ELK4: variants seen among roughly 807,000 people sequenced by gnomAD.
ELK4 encodes ETS transcription factor ELK4, also known as ETS domain-containing protein Elk-4.
Under a neutral mutation model 29.6 loss-of-function variants are expected in ELK4, and 16 were observed. That is an observed-to-expected ratio of 0.54 (90% CI 0.37 to 0.82). The LOEUF is 0.82. Among genes scored for constraint, ELK4 ranks in the 40% least tolerant of loss-of-function variants. The probability of loss-of-function intolerance (pLI) is 0.00; values close to 1 mark genes in which losing one functional copy is unlikely to be tolerated. For missense variants in ELK4, 465 were observed against 507.1 expected, an observed-to-expected ratio of 0.92 and a Z score of 0.80; for synonymous variants, 213 against 191.1, an observed-to-expected ratio of 1.11 and a Z score of -0.95.
rs796931429 is a variant in ELK4 at position 205,619,482 on chromosome 1, TTAA to T, written c.1081-412_1081-410del. ...AAGACACCAGCATGTTTGTTTTTTT[TTAA>T]TAATGAGGTGTGTGAAAAATCTACT... On this transcript the variant is annotated intron_variant, in intron 3 of 4. Coordinates refer to ENST00000357992, the MANE Select transcript of ELK4 (RefSeq NM_001973.4). 3.5e-5 allele frequency: 37 copies of T among 1,072,350 alleles called. No individual in the cohort carries two copies. The African/African-American group carries it at 5.2e-4, about 15-fold the overall frequency. 66.4% of individuals were successfully genotyped at this position (1,072,350 alleles called of 1,614,324 possible).
chr1:205,623,938 CTATTTAACACTG>C (rs1670403105), intron 1 of ELK4, 47 bp from the exon 2 acceptor site: 1 of 1,519,822 alleles, frequency 6.6e-7, no homozygotes, highest in Non-Finnish European at 9.1e-7. Context: ...CAGCCAACAC[CTATTTAACACTG>C]TATGTCATGC....
At chr1:205,625,515 C>G in intron 1 of ELK4, 1 of 749,030 alleles carries the variant, frequency 1.3e-6, no homozygotes, top group Non-Finnish European at 2.5e-6. Flanking sequence ...AGCATCCGTT[C>G]AAGAAACGGG....
intron 1 of ELK4, among the ~76,000 whole-genome samples, chr1:205,628,992 T>C (rs914248365): frequency 4.0e-5 from 6 of 151,274 alleles, no homozygotes; most frequent in Non-Finnish European, 7.4e-5. Context: ...GCTAACAAGG[T>C]GAAACCCCCG....
rs953758205 is a variant in ELK4, at chr1:205,611,765, A to G, written c.*4781T>C. ...CCCAGATTTCTGCACAGAGACCTGC[A>G]TTGGTCTCCAAACTTGTTTTCATAC... On this transcript the variant is annotated 3_prime_UTR_variant, in exon 5 of 5. Coordinates refer to ENST00000357992, the MANE Select transcript of ELK4 (RefSeq NM_001973.4). The G allele has an allele frequency of 4.1e-5, 8 of 194,488 alleles. No individual in the cohort carries two copies. The highest frequency in any genetic ancestry group is 1.9e-4 in the African/African-American group (8 of 43,218). 12.0% of individuals were successfully genotyped at this position (194,488 alleles called of 1,614,324 possible).
At position 205,631,688 on chromosome 1, in the gene ELK4, C is replaced by T. The variant is rs776009836; in HGVS notation, c.-66G>A. 3.8e-5 allele frequency: 13 copies of T among 343,514 alleles called. No individual in the cohort carries two copies. Among genetic ancestry groups the T allele is most frequent in the Non-Finnish European group, 7.2e-5 (12 of 166,764 alleles). 21.3% of individuals were successfully genotyped at this position (343,514 alleles called of 1,614,324 possible). ...CCGCCTCGAACACGATGCGCCTCTC[C>T]GCCCTCAGCCTCCTCCTCACGCTGG... On this transcript the variant is annotated 5_prime_UTR_variant, in exon 1 of 5. Coordinates refer to ENST00000357992, the MANE Select transcript of ELK4 (RefSeq NM_001973.4).
intron 3 of ELK4, chr1:205,619,367 G>A (rs1670288122): frequency 1.9e-6 from 2 of 1,067,034 alleles, no homozygotes; most frequent in Non-Finnish European, 2.3e-6. Context: ...AGATTCTGGT[G>A]CTCAACCTCT....
At chr1:205,623,940 ATTTAAC>A in intron 1 of ELK4, 49 bp from the exon 2 acceptor site, 1 of 1,523,452 alleles carries the variant, frequency 6.6e-7, no homozygotes, top group Middle Eastern at 1.7e-4. Context: ...GCCAACACCT[ATTTAAC>A]ACTGTATGTC....
Position 205,619,088 on chromosome 1 carries a change from G to A in ELK4, c.1081-15C>T, listed in dbSNP as rs549762293. The A allele has an allele frequency of 2.0e-6, 3 of 1,505,364 alleles. No homozygotes were observed. The highest frequency in any genetic ancestry group is 1.7e-4 in the Middle Eastern group (1 of 5,778). 93.3% of individuals were successfully genotyped at this position (1,505,364 alleles called of 1,614,324 possible). The stretch of plus-strand genomic sequence containing the variant: ...ATGATGGGTGTCTGCAATACACAAA[G>A]CAAAAATATTCACTGACTGACTTAC... On this transcript the variant is annotated splice_polypyrimidine_tract_variant and intron_variant, in intron 3 of 4. Coordinates refer to ENST00000357992, the MANE Select transcript of ELK4 (RefSeq NM_001973.4).
rs1213648422 is a variant in ELK4, at chr1:205,612,520, TGTTCAA to T, written c.*4020_*4025del. ...GAATTTTTAATAGGGAAAGTTTTTA[TGTTCAA>T]TAACTCTTACTGATCAATTTGTGTG... On this transcript the variant is annotated 3_prime_UTR_variant, in exon 5 of 5. Coordinates refer to ENST00000357992, the MANE Select transcript of ELK4 (RefSeq NM_001973.4). 4.7e-6 allele frequency: 1 copy of T among 214,004 alleles called. No homozygotes were observed. Among genetic ancestry groups the T allele is most frequent in the African/African-American group, 2.3e-5 (1 of 44,234 alleles). The allele number at this position is 214,004 out of a possible 1,614,324, so 13.3% of individuals were successfully genotyped here.
In ELK4 at chr1:205,610,483, C is replaced by A; in HGVS notation, c.*6063G>T. 1 of 229,488 alleles carries A rather than the reference C, an allele frequency of 4.4e-6. No homozygotes were observed. Among genetic ancestry groups the A allele is most frequent in the Non-Finnish European group, 8.6e-6 (1 of 115,854 alleles). The allele number at this position is 229,488 out of a possible 1,614,324, so 14.2% of individuals were successfully genotyped here. On this transcript the variant is annotated 3_prime_UTR_variant, in exon 5 of 5. Transcript: ENST00000357992. ...AACTTACAAACTAATAAAGATTTTA[C>A]ACAAAAGCAAACATAAATGTAGAAA...
At chr1:205,623,631 T>C (rs1283017050) in intron 2 of ELK4, 45 bp downstream of exon 2, 3 of 1,602,722 alleles carry the variant, frequency 1.9e-6, no homozygotes, top group Middle Eastern at 2.0e-4. Flanking sequence ...GAATCGTTCT[T>C]GTCTGGAGGT....
In ELK4 at chr1:205,609,910, C is replaced by A; in HGVS notation, c.*6636G>T. On this transcript the variant is annotated 3_prime_UTR_variant, in exon 5 of 5. Coordinates refer to ENST00000357992, the MANE Select transcript of ELK4 (RefSeq NM_001973.4). Reference sequence around the variant, plus strand: ...GTAACCCATTTATCCCTTCTACAAACACCCTATAAATTCCAGAAAACATAA... The same window carrying A: ...GTAACCCATTTATCCCTTCTACAAAAACCCTATAAATTCCAGAAAACATAA... 4.4e-6 allele frequency: 1 copy of A among 228,632 alleles called. No homozygotes were observed. Among genetic ancestry groups the A allele is most frequent in the Non-Finnish European group, 8.7e-6 (1 of 115,184 alleles). The allele number at this position is 228,632 out of a possible 1,614,324, so 14.2% of individuals were successfully genotyped here.
rs71773934 is a variant in ELK4, at chr1:205,617,965, A to ATGTGTG, written c.1197+986_1197+991dup. Among the ~76,000 whole-genome samples the ATGTGTG allele has an allele frequency of 7.1e-3, 1,041 of 147,586 alleles. 20 individuals carry two copies. The highest frequency in any genetic ancestry group is 0.024 in the African/African-American group (979 of 40,004). ...ACCTATGTGCAGAGATCCCCCATAT[A>ATGTGTG]TGTGTGTGTGTGTGTGTGTGAGAGA... On this transcript the variant is annotated intron_variant, in intron 4 of 4. Coordinates refer to ENST00000357992, the MANE Select transcript of ELK4 (RefSeq NM_001973.4).
chr1:205,617,171 C>A (rs1670244329), intron 4 of ELK4, among the ~76,000 whole-genome samples: 1 of 152,114 alleles, frequency 6.6e-6, no homozygotes, highest in Non-Finnish European at 1.5e-5. Flanking sequence ...CTCTATAACT[C>A]AATTATCTGC....
At chr1:205,618,507 G>A (rs985221563) in intron 4 of ELK4, among the ~76,000 whole-genome samples, 1 of 152,116 alleles carries the variant, frequency 6.6e-6, no homozygotes, top group African/African-American at 2.4e-5. Context: ...ATTAATATTT[G>A]GAAATTCAAA....
rs868735504 is a variant in ELK4 at position 205,609,143 on chromosome 1, T to A, written c.*7403A>T. ...TCCCATTAATCAAACTCATCCCTAA[T>A]TGTCTCTTAGGAAGGTCTTCTTTAA... On this transcript the variant is annotated 3_prime_UTR_variant, in exon 5 of 5. Coordinates refer to ENST00000357992, the MANE Select transcript of ELK4 (RefSeq NM_001973.4). 50 of 189,232 alleles carry A rather than the reference T, an allele frequency of 2.6e-4. No homozygotes were observed. The highest frequency in any genetic ancestry group is 1.1e-3 in the African/African-American group (48 of 42,990). 11.7% of individuals were successfully genotyped at this position (189,232 alleles called of 1,614,324 possible).
rs539508719 is a variant in ELK4, at chr1:205,614,785, A to T, written c.*1761T>A. ...TGAGCCTTCAAGTTCTTACTTCTTC[A>T]TTTAGTTCATGTGATTCTACAGGAT... On this transcript the variant is annotated 3_prime_UTR_variant, in exon 5 of 5. Coordinates refer to ENST00000357992, the MANE Select transcript of ELK4 (RefSeq NM_001973.4). The T allele has an allele frequency of 4.4e-6, 1 of 227,196 alleles. No homozygotes were observed. The highest frequency in any genetic ancestry group is 1.8e-4 in the South Asian group (1 of 5,486). The allele number at this position is 227,196 out of a possible 1,614,324, so 14.1% of individuals were successfully genotyped here.
chr1:205,610,290 T>C lies in ELK4; in HGVS notation c.*6256A>G, dbSNP rs1670133053. On this transcript the variant is annotated 3_prime_UTR_variant, in exon 5 of 5. Coordinates refer to ENST00000357992, the MANE Select transcript of ELK4 (RefSeq NM_001973.4). ...AAACAAGGCAAAGTTGAGAAGATCA[T>C]TCAGCCCAAGACACTCCACTCTGAG... The C allele has an allele frequency of 4.3e-6, 1 of 231,314 alleles. No homozygotes were observed. Among genetic ancestry groups the C allele is most frequent in the African/African-American group, 2.2e-5 (1 of 45,234 alleles). 14.3% of individuals were successfully genotyped at this position (231,314 alleles called of 1,614,324 possible).
intron 2 of ELK4, among the ~76,000 whole-genome samples, chr1:205,621,764 C>A (rs1482575584): frequency 6.6e-6 from 1 of 152,034 alleles, no homozygotes; most frequent in Non-Finnish European, 1.5e-5. Context: ...ACTGATCCAC[C>A]CACCCCGGCC....
Sources: gnomAD v4.1 joint callset for allele counts (sites outside exome capture counted in the v4.1 genomes callset) on GRCh38, gnomAD v4.1.1 for gene constraint, MANE v1.5 for transcripts, NCBI Gene and HGNC (gene_info 2026-07-23, HGNC 2026-07-21) for gene names.